Variants in TRAPPC9 observed in about 807,000 individuals in gnomAD.
TRAPPC9 encodes the protein trafficking protein particle complex subunit 9.
Under a neutral mutation model 124.0 loss-of-function variants are expected in TRAPPC9, and 83 were observed. That is an observed-to-expected ratio of 0.67 (90% CI 0.56 to 0.80). TRAPPC9 has a LOEUF of 0.80. Ranked by LOEUF, TRAPPC9 falls within the 30% of genes least tolerant of loss-of-function variation. The pLI is 0.00. For synonymous variants in TRAPPC9, 638 were observed against 617.5 expected, an observed-to-expected ratio of 1.03 and a Z score of -0.49; for missense variants, 1,302 against 1,508.3, an observed-to-expected ratio of 0.86 and a Z score of 2.27.
intron 11 of TRAPPC9, among the ~76,000 whole-genome samples, chr8:140,293,815 T>C (rs1031130131): frequency 1.3e-5 from 2 of 152,018 alleles, no homozygotes; most frequent in African/African-American, 4.8e-5. Context: ...TGTATACATA[T>C]GTAACTAACC....
intron 9 of TRAPPC9, among the ~76,000 whole-genome samples, chr8:140,347,021 C>T (rs1395957280): frequency 6.6e-6 from 1 of 152,184 alleles, no homozygotes; most frequent in Non-Finnish European, 1.5e-5. Flanking sequence ...AGGACACACA[C>T]CCACACTGGT....
At chr8:139,810,606 A>G (rs1220763541) in intron 21 of TRAPPC9, among the ~76,000 whole-genome samples, 2 of 152,180 alleles carry the variant, frequency 1.3e-5, no homozygotes, top group African/African-American at 4.8e-5. Flanking sequence ...AGGGATGAAC[A>G]GGACCTCGGT....
At chr8:139,843,186 T>C (rs1453141283) in intron 21 of TRAPPC9, among the ~76,000 whole-genome samples, 2 of 152,258 alleles carry the variant, frequency 1.3e-5, no homozygotes, top group Admixed American at 6.5e-5. Flanking sequence ...TTTGGGCATC[T>C]GCTGAATAAA....
intron 17 of TRAPPC9, among the ~76,000 whole-genome samples, chr8:140,119,704 C>T (rs1329908628): frequency 6.6e-6 from 1 of 152,212 alleles, no homozygotes; most frequent in East Asian, 1.9e-4. Context: ...TTCAGAGTGG[C>T]TCAGCTGAGA....
In TRAPPC9 at chr8:140,160,108, G is replaced by A. The variant is rs1354776414; in HGVS notation, c.2556+61351C>T. 3.3e-5 allele frequency among the ~76,000 whole-genome samples: 5 copies of A among 152,120 alleles called. No individual in the cohort carries two copies. The East Asian group carries it at 7.7e-4, about 23-fold the overall frequency. On this transcript the variant is annotated intron_variant, in intron 17 of 22. Coordinates refer to ENST00000438773, the MANE Select transcript of TRAPPC9 (RefSeq NM_001160372.4). Reference sequence around the variant, plus strand: ...AAACCACAATGAGATACCATCTCACGCCAGTTAGAATGGTGATCATTAAAA... The same window carrying A: ...AAACCACAATGAGATACCATCTCACACCAGTTAGAATGGTGATCATTAAAA...
chr8:139,989,760 G>C (rs766099048), intron 18 of TRAPPC9, among the ~76,000 whole-genome samples: 1 of 152,124 alleles, frequency 6.6e-6, no homozygotes, highest in African/African-American at 2.4e-5. Flanking sequence ...CTAGCCGTGT[G>C]AGCTCCATGT....
At chr8:140,089,590 C>T (rs2130147825) in intron 17 of TRAPPC9, among the ~76,000 whole-genome samples, 1 of 152,258 alleles carries the variant, frequency 6.6e-6, no homozygotes, top group African/African-American at 2.4e-5. Context: ...TTTGGAATAG[C>T]AGGCAGAGGG....
intron 17 of TRAPPC9, among the ~76,000 whole-genome samples, chr8:140,154,422 G>A (rs1035199103): frequency 3.5e-4 from 54 of 152,142 alleles, no homozygotes; most frequent in African/African-American, 1.2e-3. Flanking sequence ...CAGCTGGGGT[G>A]CAAATCTCAT....
intron 5 of TRAPPC9, among the ~76,000 whole-genome samples, chr8:140,420,734 A>G (rs2070173485): frequency 1.3e-5 from 2 of 152,182 alleles, no homozygotes; most frequent in Non-Finnish European, 2.9e-5. Flanking sequence ...TATCTAGTGA[A>G]AAATAACTTA....
chr8:140,213,060 G>C (rs1334313062), intron 17 of TRAPPC9, among the ~76,000 whole-genome samples: 1 of 144,336 alleles, frequency 6.9e-6, no homozygotes, highest in Non-Finnish European at 1.5e-5. Flanking sequence ...GACAGAGCAA[G>C]ACTCTGTCTC....
chr8:140,439,217 G>C lies in TRAPPC9; in HGVS notation c.585-20C>G. 1 of 1,613,594 alleles carries C rather than the reference G, an allele frequency of 6.2e-7. No individual in the cohort carries two copies. Among genetic ancestry groups the C allele is most frequent in the Non-Finnish European group, 8.5e-7 (1 of 1,179,850 alleles). ...TAATGTCTAGAAAATACATGAAAAT[G>C]TATCTTTATTACTATACAACTCCCA... On this transcript the variant is annotated intron_variant, in intron 2 of 22. Coordinates refer to ENST00000438773, the MANE Select transcript of TRAPPC9 (RefSeq NM_001160372.4).
chr8:140,106,669 A>G (rs2060672281), intron 17 of TRAPPC9, among the ~76,000 whole-genome samples: 1 of 152,202 alleles, frequency 6.6e-6, no homozygotes, highest in African/African-American at 2.4e-5. Flanking sequence ...TCTTTTACTG[A>G]CCAGCTGGGT....
intron 21 of TRAPPC9, among the ~76,000 whole-genome samples, chr8:139,749,148 C>T (rs1225169308): frequency 6.6e-6 from 1 of 152,112 alleles, no homozygotes; most frequent in Non-Finnish European, 1.5e-5. Flanking sequence ...CTCCATCTGT[C>T]CCTCCCTCCT....
intron 11 of TRAPPC9, among the ~76,000 whole-genome samples, chr8:140,297,232 C>G (rs1229609208): frequency 6.6e-6 from 1 of 152,180 alleles, no homozygotes; most frequent in African/African-American, 2.4e-5. Context: ...ATCAGAGAAG[C>G]AGTGGCAGGA....
rs182543866 is a variant in TRAPPC9 at position 139,962,911 on chromosome 8, G to A, written c.2810+25815C>T. On this transcript the variant is annotated intron_variant, in intron 19 of 22. Transcript: ENST00000438773. The stretch of plus-strand genomic sequence containing the variant: ...AGGAGTGCAGGGGCCTCAGGAAGCC[G>A]GAGGAGCAAGGGAACAGATTCCCCC... Among the ~76,000 whole-genome samples the A allele has an allele frequency of 5.2e-3, 795 of 152,076 alleles. 74 individuals carry two copies. Among genetic ancestry groups the A allele is most frequent in the African/African-American group, 0.018 (756 of 41,408 alleles).
At chr8:139,943,068 T>G (rs763124263) in intron 19 of TRAPPC9, among the ~76,000 whole-genome samples, 51 of 152,250 alleles carry the variant, frequency 3.3e-4, no homozygotes, top group Non-Finnish European at 6.3e-4. Context: ...TAGAATTTTG[T>G]TTTTCTTTTT....
At chr8:140,432,594 C>T (rs1309314925) in intron 4 of TRAPPC9, among the ~76,000 whole-genome samples, 3 of 152,180 alleles carry the variant, frequency 2.0e-5, no homozygotes, top group Non-Finnish European at 4.4e-5. Context: ...CACGTCTGGC[C>T]GGGCACAGTG....
In TRAPPC9 at chr8:139,857,317, G is replaced by C. The variant is rs137898080; in HGVS notation, c.3055+28562C>G. 1.5e-3 allele frequency among the ~76,000 whole-genome samples: 222 copies of C among 152,292 alleles called. 1 individual carries two copies. Among genetic ancestry groups the C allele is most frequent in the African/African-American group, 5.1e-3 (214 of 41,560 alleles). On this transcript the variant is annotated intron_variant, in intron 21 of 22. Coordinates refer to ENST00000438773, the MANE Select transcript of TRAPPC9 (RefSeq NM_001160372.4). ...AAGAGTGCTAATGAACATTTGCAGG[G>C]GAAGGCCTGTCCCATGGAGGCAAGG...
chr8:139,906,730 T>C (rs1017468934), intron 20 of TRAPPC9, among the ~76,000 whole-genome samples: 11 of 152,174 alleles, frequency 7.2e-5, no homozygotes, highest in African/African-American at 2.7e-4. Flanking sequence ...TCGGCACTTT[T>C]TTCCTGGGTA....
Sources: allele counts gnomAD v4.1 joint callset (sites outside exome capture counted in the v4.1 genomes callset), GRCh38; gene constraint gnomAD v4.1.1; transcripts MANE v1.5; gene names NCBI Gene and HGNC (gene_info 2026-07-23, HGNC 2026-07-21).